The following SLC4A10 variants were observed in gnomAD, a reference collection of about 807,000 sequenced individuals.
SLC4A10 encodes the protein sodium-driven chloride bicarbonate exchanger.
SLC4A10 carries 42 observed loss-of-function variants against 137.7 expected under a neutral mutation model. The ratio of observed to expected loss-of-function variants is 0.30; its 90% CI spans 0.24 to 0.39. The LOEUF (loss-of-function observed/expected upper bound fraction) is 0.39. SLC4A10 is among the 10% of genes least tolerant of loss of function. SLC4A10 has a pLI of 1.00. For missense variants in SLC4A10, 925 were observed against 1,355.0 expected (o/e 0.68, Z 4.98); for synonymous variants, 474 against 464.1 (o/e 1.02, Z -0.27).
chr2:161,893,190 C>A (rs988725566), intron 10 of SLC4A10, among the ~76,000 whole-genome samples: 1 of 152,050 alleles, frequency 6.6e-6, no homozygotes, highest in Non-Finnish European at 1.5e-5. Flanking sequence ...ACAATCTTAC[C>A]ATGTGGTCTA....
chr2:161,976,819 A>G lies in SLC4A10; in HGVS notation c.3287A>G (p.Asn1096Ser), dbSNP rs780845109. ...ATGTCAAAGACTGCCTTGTGGAGGA[A>G]CCTTCTGATTACTGCCGATAACTCA... ...DEMSKTALWRNLLITADNSKD... is the reference protein window; with the variant it reads ...DEMSKTALWRSLLITADNSKD... The change falls in exon 25 of 27, where the codon AAC (asparagine) becomes AGC (serine). Residue 1096 changes from asparagine to serine, a missense_variant. By Grantham distance (46) the Asn-to-Ser change is conservative. Transcript: ENST00000446997. 2 of 1,606,276 alleles carry G rather than the reference A, an allele frequency of 1.2e-6. No individual in the cohort carries two copies. Among genetic ancestry groups the G allele is most frequent in the African/African-American group, 1.3e-5 (1 of 74,950 alleles).
rs745494921 is a variant in SLC4A10, at chr2:161,980,239, A to G, written c.*26+2479A>G. ...GCTAGTCTCTGGGACTATCCGCTCT[A>G]CCCCCCAACACCCACCCCTGCACTC... On this transcript the variant is annotated intron_variant, in intron 26 of 26. Coordinates refer to ENST00000446997, the MANE Select transcript of SLC4A10 (RefSeq NM_001178015.2). Among the ~76,000 whole-genome samples the G allele has an allele frequency of 3.0e-4, 45 of 151,674 alleles. 1 individual carries two copies. The highest frequency in any genetic ancestry group is 1.2e-3 in the Admixed American group (19 of 15,236).
At chr2:161,946,767 T>TA (rs1369128861) in intron 16 of SLC4A10, among the ~76,000 whole-genome samples, 1 of 152,078 alleles carries the variant, frequency 6.6e-6, no homozygotes, top group Non-Finnish European at 1.5e-5. Flanking sequence ...TTCAGGCTCT[T>TA]ACAGAACTAC....
intron 2 of SLC4A10, among the ~76,000 whole-genome samples, chr2:161,782,228 G>T (rs1041679179): frequency 6.6e-6 from 1 of 152,042 alleles, no homozygotes; most frequent in African/African-American, 2.4e-5. Flanking sequence ...AAATCCCAAA[G>T]AATTCAGTCT....
At chr2:161,847,922 CTGTTT>C (rs1435784754) in intron 4 of SLC4A10, among the ~76,000 whole-genome samples, 1 of 152,248 alleles carries the variant, frequency 6.6e-6, no homozygotes, top group South Asian at 2.1e-4. Flanking sequence ...AATGATAGTT[CTGTTT>C]TAAGTTCTTT....
intron 1 of SLC4A10, among the ~76,000 whole-genome samples, chr2:161,766,107 G>C (rs1329327978): frequency 6.6e-6 from 1 of 152,078 alleles, no homozygotes; most frequent in Admixed American, 6.6e-5. Context: ...AAGGCGTACT[G>C]TATATGAAGC....
chr2:161,672,201 C>A (rs2039805574), intron 1 of SLC4A10, among the ~76,000 whole-genome samples: 1 of 152,138 alleles, frequency 6.6e-6, no homozygotes, highest in Non-Finnish European at 1.5e-5. Context: ...TTAAGCATAA[C>A]AGCCCTGGTG....
intron 5 of SLC4A10, 110 bp downstream of exon 5, chr2:161,855,240 T>G: frequency 2.9e-6 from 3 of 1,036,516 alleles, no homozygotes; most frequent in Non-Finnish European, 4.1e-6. Flanking sequence ...ATTCTCATAA[T>G]CACTGCATAA....
At chr2:161,935,426 C>T (rs1691404398) in intron 15 of SLC4A10, among the ~76,000 whole-genome samples, 1 of 152,028 alleles carries the variant, frequency 6.6e-6, no homozygotes, top group African/African-American at 2.4e-5. Context: ...ATGTCATTGG[C>T]ATTTTGGCAG....
At position 161,942,863 on chromosome 2, in the gene SLC4A10, C is replaced by T; in HGVS notation, c.2069C>T (p.Ala690Val). 1 of 1,601,774 alleles carries T rather than the reference C, an allele frequency of 6.2e-7. No homozygotes were observed. The highest frequency in any genetic ancestry group is 1.1e-5 in the South Asian group (1 of 88,520). Residue 690 changes from alanine (A) to valine (V), a missense_variant, in exon 16 of 27, where the codon GCC becomes GTC. By Grantham distance (64) the Ala-to-Val change is moderately conservative. This residue lies in a region of SLC4A10 where 91 missense variants were observed against 95.6 expected (regional missense o/e 0.95). Transcript: ENST00000446997. The stretch of plus-strand genomic sequence containing the variant: ...GAATGGAGGGAATCCAATATTTCTG[C>T]CTCTGACATAATTTGGGAGAACCTA... ...LKEWRESNISASDIIWENLTV... is the reference protein window; with the variant it reads ...LKEWRESNISVSDIIWENLTV...
intron 10 of SLC4A10, among the ~76,000 whole-genome samples, chr2:161,886,098 C>G (rs1170346044): frequency 5.3e-5 from 8 of 151,986 alleles, no homozygotes. Context: ...GACCTTGTCT[C>G]AAAATAAATA....
At chr2:161,737,168 C>G (rs2047431258) in intron 1 of SLC4A10, among the ~76,000 whole-genome samples, 1 of 152,106 alleles carries the variant, frequency 6.6e-6, no homozygotes. Context: ...AAAATTTTCT[C>G]TATAAATGTA....
chr2:161,883,420 G>A (rs943052866), intron 10 of SLC4A10, among the ~76,000 whole-genome samples: 9 of 152,116 alleles, frequency 5.9e-5, no homozygotes, highest in African/African-American at 2.2e-4. Context: ...TCCAAATTAT[G>A]TTTTATAGTG....
At chr2:161,756,921 A>G (rs920478776) in intron 1 of SLC4A10, among the ~76,000 whole-genome samples, 9 of 152,182 alleles carry the variant, frequency 5.9e-5, no homozygotes, top group African/African-American at 2.2e-4. Context: ...TATTTTGTCT[A>G]TTTAGAATTT....
chr2:161,729,785 C>A (rs1242919224), intron 1 of SLC4A10, among the ~76,000 whole-genome samples: 1 of 152,162 alleles, frequency 6.6e-6, no homozygotes, highest in Non-Finnish European at 1.5e-5. Context: ...AGATTAGGAA[C>A]TTCTAGTAGG....
At chr2:161,847,505 C>T (rs2059578476) in intron 4 of SLC4A10, among the ~76,000 whole-genome samples, 1 of 151,858 alleles carries the variant, frequency 6.6e-6, no homozygotes, top group Non-Finnish European at 1.5e-5. Context: ...TATTTTTTGT[C>T]ACCGAATAGG....
chr2:161,873,844 T>C (rs865918982), intron 7 of SLC4A10, 72 bp from the exon 8 acceptor site: 27 of 1,444,258 alleles, frequency 1.9e-5, no homozygotes, highest in African/African-American at 1.7e-4. Flanking sequence ...GTGCATGCTC[T>C]CCCTCTGGTG....
intron 1 of SLC4A10, among the ~76,000 whole-genome samples, chr2:161,704,207 T>C (rs1434534145): frequency 6.6e-6 from 1 of 151,702 alleles, no homozygotes; most frequent in East Asian, 1.9e-4. Context: ...TTCCAGTTTT[T>C]TCATATAGCA....
chr2:161,719,686 T>G (rs2045400110), intron 1 of SLC4A10, among the ~76,000 whole-genome samples: 1 of 152,246 alleles, frequency 6.6e-6, no homozygotes, highest in South Asian at 2.1e-4. Flanking sequence ...GTCTGTTGGC[T>G]GCATAAATGT....
Sources: allele counts gnomAD v4.1 joint callset (sites outside exome capture counted in the v4.1 genomes callset), GRCh38; gene constraint gnomAD v4.1.1; regional missense constraint gnomAD v4.1.1; transcripts MANE v1.5; gene names NCBI Gene and HGNC (gene_info 2026-07-23, HGNC 2026-07-21).